NKAIN3: variants seen among roughly 807,000 people sequenced by gnomAD.
The protein encoded by NKAIN3 is sodium/potassium-transporting ATPase subunit beta-1-interacting protein 3.
NKAIN3 carries 25 observed loss-of-function variants against 30.2 expected under a neutral mutation model. The observed-to-expected ratio is 0.83, with a 90% CI of 0.60 to 1.16. The LOEUF (loss-of-function observed/expected upper bound fraction) is 1.16. Ranked by LOEUF, NKAIN3 falls within the 50% of genes most tolerant of loss-of-function variation. NKAIN3 has a pLI of 0.00. For missense variants in NKAIN3, 225 were observed against 254.1 expected, an observed-to-expected ratio of 0.89 and a Z score of 0.78; for synonymous variants, 91 against 89.6, an observed-to-expected ratio of 1.02 and a Z score of -0.09.
intron 1 of NKAIN3, among the ~76,000 whole-genome samples, chr8:62,355,166 C>T (rs946828604): frequency 2.6e-5 from 4 of 152,188 alleles, no homozygotes; most frequent in African/African-American, 9.6e-5. Context: ...TAGAAGACCA[C>T]ACAGTTGTCT....
At chr8:62,434,212 A>G (rs1805100912) in intron 1 of NKAIN3, among the ~76,000 whole-genome samples, 1 of 152,160 alleles carries the variant, frequency 6.6e-6, no homozygotes, top group South Asian at 2.1e-4. Context: ...CTGTCCATGA[A>G]GTTGTCCTTC....
intron 3 of NKAIN3, among the ~76,000 whole-genome samples, chr8:62,723,604 T>A (rs1438724048): frequency 3.9e-5 from 6 of 152,066 alleles, no homozygotes; most frequent in African/African-American, 1.4e-4. Flanking sequence ...TACTTATTTT[T>A]AAAAAAATTA....
At chr8:62,384,057 G>A (rs1817354630) in intron 1 of NKAIN3, among the ~76,000 whole-genome samples, 2 of 152,186 alleles carry the variant, frequency 1.3e-5, no homozygotes, top group African/African-American at 2.4e-5. Flanking sequence ...ATGGCACTTT[G>A]TATGGATTCC....
chr8:62,593,646 A>C (rs1400559232), intron 3 of NKAIN3, among the ~76,000 whole-genome samples: 2 of 152,062 alleles, frequency 1.3e-5, no homozygotes, highest in African/African-American at 4.8e-5. Flanking sequence ...AAAAAATTAA[A>C]CAATCAAAAA....
At chr8:62,714,366 TA>T (rs1032793328) in intron 3 of NKAIN3, among the ~76,000 whole-genome samples, 5 of 152,004 alleles carry the variant, frequency 3.3e-5, no homozygotes, top group Non-Finnish European at 5.9e-5. Flanking sequence ...CTGCTTTTCT[TA>T]GCTATAAATC....
At chr8:62,455,623 C>T (rs1805790197) in intron 1 of NKAIN3, among the ~76,000 whole-genome samples, 1 of 152,142 alleles carries the variant, frequency 6.6e-6, no homozygotes, top group African/African-American at 2.4e-5. Context: ...CAGCGTTATG[C>T]AATATATGCA....
chr8:62,741,621 T>A (rs1815895158), intron 3 of NKAIN3, among the ~76,000 whole-genome samples: 2 of 152,220 alleles, frequency 1.3e-5, no homozygotes, highest in Non-Finnish European at 2.9e-5. Context: ...TGTAAACAAC[T>A]ACCTCAGCCC....
At position 62,706,931 on chromosome 8, in the gene NKAIN3, G is replaced by A. The variant is rs374774041; in HGVS notation, c.274-40001G>A. Among the ~76,000 whole-genome samples, 96 of 151,988 alleles carry A rather than the reference G, an allele frequency of 6.3e-4. No individual in the cohort carries two copies. In the South Asian group the frequency reaches 0.017, roughly 26 times the overall value. ...CTCCCACATATCAGTGAGAACGTAC[G>A]ACATTTGAGTGTCCATTCCTGAGTT... On this transcript the variant is annotated intron_variant, in intron 3 of 6. Transcript: ENST00000623646.
In NKAIN3 at chr8:62,627,476, A is replaced by C. The variant is rs997536943; in HGVS notation, c.273+37682A>C. Reference sequence around the variant, plus strand: ...TCCCTCTGCTGTGGTAAGGGTAAAGAATAAGACTTCTTGGAACATGAGGTA... The same window carrying C: ...TCCCTCTGCTGTGGTAAGGGTAAAGCATAAGACTTCTTGGAACATGAGGTA... On this transcript the variant is annotated intron_variant, in intron 3 of 6. Coordinates refer to ENST00000623646, the MANE Select transcript of NKAIN3 (RefSeq NM_001304533.3). Among the ~76,000 whole-genome samples, 111 of 152,058 alleles carry C rather than the reference A, an allele frequency of 7.3e-4. 5 individuals carry two copies. The highest frequency in any genetic ancestry group is 2.9e-5 in the Non-Finnish European group (2 of 68,004).
intron 1 of NKAIN3, among the ~76,000 whole-genome samples, chr8:62,377,510 A>C (rs1030939254): frequency 6.6e-6 from 1 of 152,300 alleles, no homozygotes; most frequent in Non-Finnish European, 1.5e-5. Context: ...GTGGAGTAGA[A>C]AATAACGAAA....
chr8:62,611,010 T>A (rs756629261), intron 3 of NKAIN3, among the ~76,000 whole-genome samples: 1 of 152,100 alleles, frequency 6.6e-6, no homozygotes, highest in Non-Finnish European at 1.5e-5. Flanking sequence ...TAGATACATC[T>A]GAAATTTCAG....
intron 4 of NKAIN3, among the ~76,000 whole-genome samples, chr8:62,748,273 G>T (rs1399290091): frequency 6.6e-6 from 1 of 152,060 alleles, no homozygotes; most frequent in Non-Finnish European, 1.5e-5. Flanking sequence ...TGTCCAAAGA[G>T]GCCTCACTCA....
intron 1 of NKAIN3, among the ~76,000 whole-genome samples, chr8:62,453,098 T>C (rs1373052099): frequency 1.3e-5 from 2 of 152,228 alleles, no homozygotes; most frequent in African/African-American, 4.8e-5. Flanking sequence ...TTTTTGAGTA[T>C]TTTAAGTTTT....
At chr8:62,703,792 T>A (rs1450724981) in intron 3 of NKAIN3, among the ~76,000 whole-genome samples, 2 of 152,238 alleles carry the variant, frequency 1.3e-5, no homozygotes, top group African/African-American at 4.8e-5. Context: ...TGTCTAGGTG[T>A]AAAATGCTGG....
chr8:62,617,879 A>C (rs73264815), intron 3 of NKAIN3, among the ~76,000 whole-genome samples: 3,757 of 152,314 alleles, frequency 0.025, 152 homozygotes, highest in African/African-American at 0.086. Context: ...AGGCTAAGAC[A>C]TGAGAGATTT....
chr8:62,505,869 G>T (rs1807617635), intron 1 of NKAIN3, among the ~76,000 whole-genome samples: 1 of 152,108 alleles, frequency 6.6e-6, no homozygotes, highest in Non-Finnish European at 1.5e-5. Context: ...ATAGTTCTCA[G>T]TGGGCTAAAA....
chr8:62,420,487 T>C (rs1804601617), intron 1 of NKAIN3, among the ~76,000 whole-genome samples: 1 of 152,186 alleles, frequency 6.6e-6, no homozygotes, highest in Non-Finnish European at 1.5e-5. Context: ...AAGATTCTTT[T>C]TGGTGAAAAT....
intron 1 of NKAIN3, among the ~76,000 whole-genome samples, chr8:62,451,159 A>G (rs76522891): frequency 6.6e-6 from 1 of 152,262 alleles, no homozygotes; most frequent in African/African-American, 2.4e-5. Flanking sequence ...AAAGCAGTAT[A>G]TTCTTATAAA....
chr8:62,738,713 A>G (rs994483824), intron 3 of NKAIN3, among the ~76,000 whole-genome samples: 3 of 151,978 alleles, frequency 2.0e-5, no homozygotes, highest in African/African-American at 7.3e-5. Flanking sequence ...TTCCTTGTAG[A>G]TAATGGATAT....
Sources: gnomAD v4.1 joint callset for allele counts (sites outside exome capture counted in the v4.1 genomes callset) on GRCh38, gnomAD v4.1.1 for gene constraint, MANE v1.5 for transcripts, NCBI Gene and HGNC (gene_info 2026-07-23, HGNC 2026-07-21) for gene names.